Variants in ZC3H14 observed in about 807,000 individuals in gnomAD.
ZC3H14 encodes zinc finger CCCH domain-containing protein 14.
Under a neutral mutation model 92.4 loss-of-function variants are expected in ZC3H14, and 31 were observed. The ratio of observed to expected loss-of-function variants is 0.34; its 90% CI spans 0.25 to 0.45. The LOEUF (loss-of-function observed/expected upper bound fraction) is 0.45, where lower values mean the gene tolerates loss of function less well. Ranked by LOEUF, ZC3H14 falls within the 20% of genes least tolerant of loss-of-function variation. ZC3H14 has a pLI of 1.00. For synonymous variants in ZC3H14, 321 were observed against 300.9 expected (o/e 1.07, Z -0.69); for missense variants, 781 against 897.3 (o/e 0.87, Z 1.66).
In ZC3H14 at chr14:88,618,398, A is replaced by C. The variant is rs542559124; in HGVS notation, c.*6647A>C. ...GAGAGACAAAATCCACAGGGGGTTT[A>C]CAGAATACTAGCATATTGCTACTTG... On this transcript the variant is annotated 3_prime_UTR_variant, in exon 17 of 17. Coordinates refer to ENST00000251038, the MANE Select transcript of ZC3H14 (RefSeq NM_024824.5). The C allele has an allele frequency of 2.2e-6, 3 of 1,364,848 alleles. No homozygotes were observed. In the African/African-American group the frequency reaches 4.3e-5, roughly 19 times the overall value. The allele number at this position is 1,364,848 out of a possible 1,614,324, so 84.5% of individuals were successfully genotyped here. A position where few individuals can be genotyped will look rare whatever the true frequency, so the allele number is the denominator to read the frequency against.
At position 88,627,512 on chromosome 14, in the gene ZC3H14, T is replaced by G. The variant is rs903308190; in HGVS notation, c.*15761T>G. ...GTGAAATATACCTACAGTACCACTG[T>G]GTACAGTATATTGCATAGGCCTCCA... On this transcript the variant is annotated 3_prime_UTR_variant, in exon 17 of 17. Transcript: ENST00000251038. The G allele has an allele frequency of 1.3e-6, 1 of 793,316 alleles. No homozygotes were observed. The highest frequency in any genetic ancestry group is 1.9e-6 in the Non-Finnish European group (1 of 519,004). The allele number at this position is 793,316 out of a possible 1,614,324, so 49.1% of individuals were successfully genotyped here.
At chr14:88,600,704 G>C (rs1220507329) in intron 10 of ZC3H14, among the ~76,000 whole-genome samples, 3 of 152,068 alleles carry the variant, frequency 2.0e-5, no homozygotes, top group African/African-American at 7.2e-5. Context: ...CTTGTGCCTT[G>C]GCCTCCCAGA....
intron 2 of ZC3H14, among the ~76,000 whole-genome samples, chr14:88,564,830 A>G (rs1474432089): frequency 6.6e-6 from 1 of 152,174 alleles, no homozygotes; most frequent in African/African-American, 2.4e-5. Flanking sequence ...AAACATTTTT[A>G]TTGTATACTG....
In ZC3H14 at chr14:88,603,019, T is replaced by G; in HGVS notation, c.1706T>G (p.Leu569Arg). The G allele has an allele frequency of 6.2e-7, 1 of 1,614,198 alleles. No individual in the cohort carries two copies. Among genetic ancestry groups the G allele is most frequent in the Non-Finnish European group, 8.5e-7 (1 of 1,180,034 alleles). The change falls in exon 12 of 17, where the codon CTG becomes CGG. Residue 569 changes from leucine (L) to arginine (R), a missense_variant. By Grantham distance (102) the Leu-to-Arg change is moderately radical. Around this residue, in one of 3 missense-constraint regions of ZC3H14, gnomAD observed 221 missense variants for 304.7 expected, o/e 0.73. Transcript: ENST00000251038. ...CTCCACCCACAGCAGTTGCACTTGC[T>G]GAGCAGGCAGCTTGAGGACCCAAAT... ...GLLHPQQLHL[L>R]SRQLEDPNGS...
chr14:88,572,539 T>C, intron 5 of ZC3H14, 39 bp from the exon 6 acceptor site: 2 of 1,611,050 alleles, frequency 1.2e-6, no homozygotes. Context: ...ATAATTGCCC[T>C]AATTTGGCTG....
rs750847929 is a variant in ZC3H14, at chr14:88,616,917, G to A, written c.*5166G>A. ...AACAAAAGAAAACTCATCATGGCAAGTGCGGGCAGGTTGACTATATTCAAA... is the reference window on the plus strand; with the variant it reads ...AACAAAAGAAAACTCATCATGGCAAATGCGGGCAGGTTGACTATATTCAAA... On this transcript the variant is annotated 3_prime_UTR_variant, in exon 17 of 17. Coordinates refer to ENST00000251038, the MANE Select transcript of ZC3H14 (RefSeq NM_024824.5). 2 of 1,598,296 alleles carry A rather than the reference G, an allele frequency of 1.3e-6. No homozygotes were observed. The highest frequency in any genetic ancestry group is 2.3e-5 in the South Asian group (2 of 88,622).
rs2088805747 is a variant in ZC3H14, at chr14:88,620,951, AG to A, written c.*9201del. ...TCTGCATTTAAAAAAAAAAAAAAAAAGAGTCATAGGAAACATTAAGTGAAGT... is the reference window on the plus strand; with the variant it reads ...TCTGCATTTAAAAAAAAAAAAAAAAAAGTCATAGGAAACATTAAGTGAAGT... On this transcript the variant is annotated 3_prime_UTR_variant, in exon 17 of 17. Transcript: ENST00000251038. This position sits in a 1 kb window ranked among gnomAD's most constrained non-coding sequence, Gnocchi z 4.3. 6.8e-6 allele frequency: 10 copies of A among 1,463,818 alleles called. No individual in the cohort carries two copies. The highest frequency in any genetic ancestry group is 2.9e-5 in the African/African-American group (2 of 69,258). The allele number at this position is 1,463,818 out of a possible 1,614,324, so 90.7% of individuals were successfully genotyped here.
rs1433638496 is a variant in ZC3H14 at position 88,618,715 on chromosome 14, A to AG, written c.*6965dup. ...ACAAAGCTTGGAATGTCTTTGCAGT[A>AG]GCTGATTCTGTTAAGAGTGGGGCCC... On this transcript the variant is annotated 3_prime_UTR_variant, in exon 17 of 17. Transcript: ENST00000251038. 6.2e-7 allele frequency: 1 copy of AG among 1,611,290 alleles called. No individual in the cohort carries two copies. The highest frequency in any genetic ancestry group is 1.7e-5 in the Admixed American group (1 of 59,716).
At chr14:88,575,674 C>T (rs926238250) in intron 7 of ZC3H14, among the ~76,000 whole-genome samples, 166 bp from the exon 8 acceptor site, 1 of 151,320 alleles carries the variant, frequency 6.6e-6, no homozygotes, top group Non-Finnish European at 1.5e-5. Context: ...GAGTAAGAGT[C>T]TGTCTAAAAA....
In ZC3H14 at chr14:88,615,952, A is replaced by G; in HGVS notation, c.*4201A>G. ...GTTGTGCTTTCAGGTTACATGTGTA[A>G]TATTTTTCCTCTTTAACTCCTTTTA... On this transcript the variant is annotated 3_prime_UTR_variant, in exon 17 of 17. Transcript: ENST00000251038. The G allele has an allele frequency of 7.1e-7, 1 of 1,411,898 alleles. No individual in the cohort carries two copies. Among genetic ancestry groups the G allele is most frequent in the Non-Finnish European group, 9.7e-7 (1 of 1,031,772 alleles). 87.5% of individuals were successfully genotyped at this position (1,411,898 alleles called of 1,614,324 possible).
rs2088280795 is a variant in ZC3H14, at chr14:88,618,918, G to T, written c.*7167G>T. ...GTTCTTAAAAGTAACGTGTGATAAG[G>T]CCTCAAATAGATTTACCTGTCAGAC... On this transcript the variant is annotated 3_prime_UTR_variant, in exon 17 of 17. Transcript: ENST00000251038. 2.6e-6 allele frequency: 3 copies of T among 1,136,460 alleles called. No individual in the cohort carries two copies. The highest frequency in any genetic ancestry group is 3.6e-6 in the Non-Finnish European group (3 of 826,046). The allele number at this position is 1,136,460 out of a possible 1,614,324, so 70.4% of individuals were successfully genotyped here. A position where few individuals can be genotyped will look rare whatever the true frequency, so the allele number is the denominator to read the frequency against.
Position 88,622,537 on chromosome 14 carries a change from G to A in ZC3H14, c.*10786G>A, listed in dbSNP as rs1194091677. ...TATTGTTCATTAGGCTGCAAAGGGT[G>A]AGGGAATCACAGTAATAACCACTTT... On this transcript the variant is annotated 3_prime_UTR_variant, in exon 17 of 17. Transcript: ENST00000251038. 1 of 1,253,658 alleles carries A rather than the reference G, an allele frequency of 8.0e-7. No individual in the cohort carries two copies. Among genetic ancestry groups the A allele is most frequent in the Non-Finnish European group, 1.1e-6 (1 of 911,812 alleles). The allele number at this position is 1,253,658 out of a possible 1,614,324, so 77.7% of individuals were successfully genotyped here.
Position 88,626,320 on chromosome 14 carries a change from GA to G in ZC3H14, c.*14571del, listed in dbSNP as rs2089937892. Reference sequence around the variant, plus strand: ...CTTTTGAGTATAACAGTAGTCCAAGGAATCAAATGTTCATCAGAATCCTTAT... The same window carrying G: ...CTTTTGAGTATAACAGTAGTCCAAGGATCAAATGTTCATCAGAATCCTTAT... On this transcript the variant is annotated 3_prime_UTR_variant, in exon 17 of 17. Transcript: ENST00000251038. 1 of 153,518 alleles carries G rather than the reference GA, an allele frequency of 6.5e-6. No individual in the cohort carries two copies. The allele number at this position is 153,518 out of a possible 1,614,324, so 9.5% of individuals were successfully genotyped here.
rs1483436626 is a variant in ZC3H14 at position 88,579,570 on chromosome 14, G to A, written c.1279+1430G>A. Among the ~76,000 whole-genome samples, 3 of 152,122 alleles carry A rather than the reference G, an allele frequency of 2.0e-5. No individual in the cohort carries two copies. The East Asian group carries it at 5.8e-4, about 29-fold the overall frequency. On this transcript the variant is annotated intron_variant, in intron 9 of 16. Transcript: ENST00000251038. ...TGGAATCAGATGGAGCAGGGAAACA[G>A]ACAATAGAGAAAAGGAAAGAATGTC...
chr14:88,575,139 G>T (rs2080992517), intron 7 of ZC3H14, among the ~76,000 whole-genome samples: 1 of 152,108 alleles, frequency 6.6e-6, no homozygotes, highest in African/African-American at 2.4e-5. Context: ...GTTTCACCAT[G>T]TTGGACCAGG....
intron 9 of ZC3H14, among the ~76,000 whole-genome samples, chr14:88,593,694 C>A (rs910153227): frequency 2.0e-5 from 3 of 152,022 alleles, no homozygotes; most frequent in South Asian, 2.1e-4. Flanking sequence ...GAAGTTGGAA[C>A]CTTATCTTAT....
chr14:88,565,920 T>C (rs1220498438), intron 2 of ZC3H14, among the ~76,000 whole-genome samples: 1 of 149,628 alleles, frequency 6.7e-6, no homozygotes, highest in African/African-American at 2.5e-5. Context: ...CGGGCTGGAG[T>C]GCAGTGGTGC....
chr14:88,605,761 C>T (rs927441844), intron 12 of ZC3H14, among the ~76,000 whole-genome samples: 1 of 152,194 alleles, frequency 6.6e-6, no homozygotes, highest in Non-Finnish European at 1.5e-5. Flanking sequence ...GTGCCTTGTT[C>T]TCCTGTAGTG....
intron 8 of ZC3H14, among the ~76,000 whole-genome samples, chr14:88,576,532 C>G (rs201612763): frequency 6.6e-6 from 1 of 152,192 alleles, no homozygotes; most frequent in African/African-American, 2.4e-5. Flanking sequence ...GCTGGTCTTA[C>G]GGAAAGCTGA....
Sources: allele counts gnomAD v4.1 joint callset (sites outside exome capture counted in the v4.1 genomes callset), GRCh38; gene constraint gnomAD v4.1.1; regional missense constraint gnomAD v4.1.1; non-coding constraint Gnocchi (gnomAD v3.1); transcripts MANE v1.5; gene names NCBI Gene and HGNC (gene_info 2026-07-23, HGNC 2026-07-21).